MITF: variants seen among roughly 807,000 people sequenced by gnomAD.
MITF encodes the protein microphthalmia-associated transcription factor.
In MITF, 17 loss-of-function variants were observed where a neutral mutation model predicts 60.5. The observed-to-expected ratio is 0.28, with a 90% CI of 0.19 to 0.42. The LOEUF (loss-of-function observed/expected upper bound fraction) is 0.42. Among genes scored for constraint, MITF ranks in the 10% least tolerant of loss-of-function variants. MITF has a pLI of 1.00. For missense variants in MITF, 622 were observed against 683.5 expected (o/e 0.91, Z 1.00); for synonymous variants, 260 against 248.5 (o/e 1.05, Z -0.43).
intron 2 of MITF, among the ~76,000 whole-genome samples, chr3:69,887,178 A>G (rs2064639301): frequency 6.6e-6 from 1 of 152,036 alleles, no homozygotes; most frequent in Non-Finnish European, 1.5e-5. Flanking sequence ...ACTATATTGA[A>G]AAAGTCATGA....
intron 6 of MITF, among the ~76,000 whole-genome samples, chr3:69,950,336 A>C (rs2066210676): frequency 6.6e-6 from 1 of 151,170 alleles, no homozygotes; most frequent in South Asian, 2.1e-4. Flanking sequence ...AACAACAACA[A>C]CTTAAGAATC....
intron 1 of MITF, among the ~76,000 whole-genome samples, chr3:69,803,338 C>G (rs1293433954): frequency 1.3e-5 from 2 of 152,194 alleles, no homozygotes; most frequent in South Asian, 4.1e-4. Flanking sequence ...TTCATAAACC[C>G]TATGTTTAAT....
At chr3:69,885,716 C>T (rs189418327) in intron 2 of MITF, among the ~76,000 whole-genome samples, 3 of 152,154 alleles carry the variant, frequency 2.0e-5, no homozygotes, top group African/African-American at 7.2e-5. Flanking sequence ...TCTTAAAAGG[C>T]TTTTTATTGG....
At chr3:69,833,670 A>T (rs1411834334) in intron 1 of MITF, among the ~76,000 whole-genome samples, 1 of 41,324 alleles carries the variant, frequency 2.4e-5, no homozygotes, top group Admixed American at 2.0e-4. Flanking sequence ...TTCCCTGTTT[A>T]CACTGTATGT....
chr3:69,907,680 C>T (rs1402253263), intron 2 of MITF, among the ~76,000 whole-genome samples: 1 of 152,170 alleles, frequency 6.6e-6, no homozygotes, highest in Non-Finnish European at 1.5e-5. Context: ...ACTGTTAAGT[C>T]TGGGTAGACC....
chr3:69,794,323 T>G (rs985325703), intron 1 of MITF, among the ~76,000 whole-genome samples: 1 of 152,264 alleles, frequency 6.6e-6, no homozygotes, highest in African/African-American at 2.4e-5. Context: ...TGAACAAAGC[T>G]GGGCATCAGG....
chr3:69,827,180 C>T (rs1440187698), intron 1 of MITF, among the ~76,000 whole-genome samples: 1 of 152,318 alleles, frequency 6.6e-6, no homozygotes, highest in African/African-American at 2.4e-5. Context: ...ACCACCACTG[C>T]CAGTTGAGTT....
intron 1 of MITF, among the ~76,000 whole-genome samples, chr3:69,754,936 G>A (rs745351808): frequency 3.9e-5 from 6 of 152,002 alleles, no homozygotes; most frequent in African/African-American, 7.3e-5. Context: ...GGGGGGAGAG[G>A]ATCCATAGAA....
chr3:69,781,200 A>C (rs942055189), intron 1 of MITF, among the ~76,000 whole-genome samples: 1 of 152,080 alleles, frequency 6.6e-6, no homozygotes, highest in Admixed American at 6.5e-5. Flanking sequence ...AATACTATTA[A>C]GTGATAAGAC....
At chr3:69,771,869 GATGC>G (rs2062399492) in intron 1 of MITF, among the ~76,000 whole-genome samples, 1 of 152,178 alleles carries the variant, frequency 6.6e-6, no homozygotes, top group African/African-American at 2.4e-5. Flanking sequence ...ATGCATGCTT[GATGC>G]ATGAGAGGGA....
intron 1 of MITF, among the ~76,000 whole-genome samples, chr3:69,852,031 C>T (rs895542094): frequency 6.6e-6 from 1 of 151,902 alleles, no homozygotes; most frequent in Non-Finnish European, 1.5e-5. Flanking sequence ...CAAACATATA[C>T]AAACAATTTT....
intron 1 of MITF, among the ~76,000 whole-genome samples, chr3:69,804,344 C>T (rs999722635): frequency 2.0e-5 from 3 of 150,718 alleles, no homozygotes; most frequent in Non-Finnish European, 4.4e-5. Context: ...TACTCCCTCT[C>T]TTCTCTCCTC....
intron 1 of MITF, among the ~76,000 whole-genome samples, chr3:69,821,133 G>A (rs1159739074): frequency 6.6e-6 from 1 of 152,126 alleles, no homozygotes; most frequent in South Asian, 2.1e-4. Context: ...CATGATGCTG[G>A]ATGTTATAAA....
intron 9 of MITF, among the ~76,000 whole-genome samples, chr3:69,962,673 C>G (rs1013733557): frequency 2.0e-5 from 3 of 152,070 alleles, no homozygotes; most frequent in Non-Finnish European, 4.4e-5. Flanking sequence ...AATGGAGAAG[C>G]AGAATGCTTA....
At chr3:69,936,473 C>A in intron 2 of MITF, 2 of 691,846 alleles carry the variant, frequency 2.9e-6, no homozygotes, top group Non-Finnish European at 4.2e-6. Context: ...TTGATATCAA[C>A]ATTTAAGACC....
chr3:69,812,051 C>T (rs1411080384), intron 1 of MITF, among the ~76,000 whole-genome samples: 1 of 151,598 alleles, frequency 6.6e-6, no homozygotes, highest in African/African-American at 2.4e-5. Flanking sequence ...TGTCCTTATG[C>T]AACCCCAGAT....
At chr3:69,763,644 A>C in intron 1 of MITF, 1 of 1,237,170 alleles carries the variant, frequency 8.1e-7, no homozygotes, top group Non-Finnish European at 1.0e-6. Flanking sequence ...CTCCTTTCTG[A>C]GACGGTTCAG....
chr3:69,836,941 C>G (rs548385224), intron 1 of MITF, among the ~76,000 whole-genome samples: 31 of 152,164 alleles, frequency 2.0e-4, no homozygotes, highest in Admixed American at 8.5e-4. Context: ...TAGAACTGAT[C>G]CAATGGAAAT....
intron 1 of MITF, among the ~76,000 whole-genome samples, chr3:69,878,031 T>C (rs1158720616): frequency 1.3e-5 from 2 of 152,146 alleles, no homozygotes; most frequent in Non-Finnish European, 1.5e-5. Flanking sequence ...ATAATAATAG[T>C]GACAGCAAAC....
Sources: gnomAD v4.1 joint callset for allele counts (sites outside exome capture counted in the v4.1 genomes callset) on GRCh38, gnomAD v4.1.1 for gene constraint, MANE v1.5 for transcripts, NCBI Gene and HGNC (gene_info 2026-07-23, HGNC 2026-07-21) for gene names.